Variants in PSTPIP2 observed in about 807,000 individuals in gnomAD.
PSTPIP2 encodes proline-serine-threonine phosphatase-interacting protein 2.
In PSTPIP2, 33 loss-of-function variants were observed where a neutral mutation model predicts 63.3. That is an observed-to-expected ratio of 0.52 (90% CI 0.40 to 0.70). PSTPIP2 has a LOEUF of 0.70. Among genes scored for constraint, PSTPIP2 ranks in the 30% least tolerant of loss-of-function variants. PSTPIP2 has a pLI of 0.00. For synonymous variants in PSTPIP2, 125 were observed against 132.7 expected (o/e 0.94, Z 0.40); for missense variants, 312 against 400.7 (o/e 0.78, Z 1.89).
At chr18:46,060,128 TG>T (rs1908937547) in intron 1 of PSTPIP2, among the ~76,000 whole-genome samples, 1 of 152,222 alleles carries the variant, frequency 6.6e-6, no homozygotes, top group Non-Finnish European at 1.5e-5. Context: ...TCCTGGTGTT[TG>T]TTTTAAATCG....
At position 46,021,583 on chromosome 18, in the gene PSTPIP2, A is replaced by T. The variant is rs868069186; in HGVS notation, c.212+3026T>A. 1.2e-4 allele frequency among the ~76,000 whole-genome samples: 18 copies of T among 151,910 alleles called. No homozygotes were observed. In the Middle Eastern group the frequency reaches 0.01, roughly 87 times the overall value. On this transcript the variant is annotated intron_variant, in intron 3 of 14. Transcript: ENST00000409746. ...ATTGTAAATATTAGTATGAACTCACACTTTTAAAATCCATTCCCTGCCAGG... is the reference window on the plus strand; with the variant it reads ...ATTGTAAATATTAGTATGAACTCACTCTTTTAAAATCCATTCCCTGCCAGG...
chr18:46,011,071 G>A (rs1324297051), intron 5 of PSTPIP2, 110 bp downstream of exon 5: 7 of 906,624 alleles, frequency 7.7e-6, no homozygotes, highest in Non-Finnish European at 1.2e-5. Context: ...TAATTTCTCA[G>A]GTCATGATTA....
chr18:46,010,512 A>G (rs753912455), intron 5 of PSTPIP2, among the ~76,000 whole-genome samples: 1 of 152,210 alleles, frequency 6.6e-6, no homozygotes, highest in Non-Finnish European at 1.5e-5. Flanking sequence ...TCTTTCAGGA[A>G]CAAAATAGAA....
rs750484115 is a variant in PSTPIP2, at chr18:46,011,185, T to C, written c.350A>G (p.Lys117Arg). The C allele has an allele frequency of 2.5e-6, 4 of 1,612,496 alleles. No homozygotes were observed. The highest frequency in any genetic ancestry group is 3.4e-6 in the Non-Finnish European group (4 of 1,178,538). The change falls in exon 5 of 15, where the codon AAA becomes AGA. Residue 117 changes from lysine (K) to arginine (R), a missense_variant. By Grantham distance (26) the Lys-to-Arg change is conservative. Coordinates refer to ENST00000409746, the MANE Select transcript of PSTPIP2 (RefSeq NM_024430.4). ...EFREKQKLQR[K>R]KTELIMDAIH... is the part of the protein sequence containing the mutation. Reference sequence around the variant, plus strand: ...TAACACGTATGCAAATCCAACCTTTTTTCGTTGTAGTTTTTGCTTTTCCCT... The same window carrying C: ...TAACACGTATGCAAATCCAACCTTTCTTCGTTGTAGTTTTTGCTTTTCCCT...
chr18:45,985,540 G>C (rs1433167619), intron 14 of PSTPIP2, 90 bp from the exon 15 acceptor site: 2 of 1,402,034 alleles, frequency 1.4e-6, no homozygotes, highest in South Asian at 1.2e-5. Flanking sequence ...ACAAGAATAA[G>C]GGTGCAGGCC....
chr18:46,030,270 G>A (rs931379156), intron 2 of PSTPIP2, among the ~76,000 whole-genome samples: 13 of 152,148 alleles, frequency 8.5e-5, no homozygotes, highest in South Asian at 2.1e-4. Flanking sequence ...AAACTTTCCT[G>A]AATGTGTGAT....
intron 6 of PSTPIP2, among the ~76,000 whole-genome samples, chr18:46,002,088 T>C (rs2051674315): frequency 6.6e-6 from 1 of 152,218 alleles, no homozygotes; most frequent in Non-Finnish European, 1.5e-5. Flanking sequence ...TGGTTTCTAA[T>C]AGGAAATCTG....
intron 13 of PSTPIP2, among the ~76,000 whole-genome samples, chr18:45,990,330 C>A (rs928117942): frequency 6.6e-6 from 1 of 152,168 alleles, no homozygotes; most frequent in African/African-American, 2.4e-5. Flanking sequence ...GAATTTGATT[C>A]TATTTAATCC....
chr18:46,067,228 C>T (rs950463847), intron 1 of PSTPIP2, among the ~76,000 whole-genome samples: 2 of 151,868 alleles, frequency 1.3e-5, no homozygotes, highest in African/African-American at 2.4e-5. Context: ...CTAGGCTGGG[C>T]GCAGTGGCTC....
chr18:46,026,282 G>T (rs76266331), intron 2 of PSTPIP2, among the ~76,000 whole-genome samples: 30 of 152,268 alleles, frequency 2.0e-4, no homozygotes, highest in African/African-American at 6.7e-4. Flanking sequence ...GTTGAAGAAA[G>T]GAAGAACTTC....
At chr18:46,024,496 AT>A (rs529039247) in intron 3 of PSTPIP2, 112 bp downstream of exon 3, 63 of 869,916 alleles carry the variant, frequency 7.2e-5, no homozygotes, top group African/African-American at 1.0e-4. Context: ...CTCCAAAAAA[AT>A]TTTTTTTTCA....
intron 5 of PSTPIP2, among the ~76,000 whole-genome samples, chr18:46,008,500 CG>C (rs529163655): frequency 2.0e-5 from 3 of 150,838 alleles, no homozygotes; most frequent in Non-Finnish European, 4.4e-5. Context: ...TTAGTAGAGA[CG>C]GGGTTTTGCC....
At chr18:46,061,573 T>C (rs1174038147) in intron 1 of PSTPIP2, among the ~76,000 whole-genome samples, 5 of 152,158 alleles carry the variant, frequency 3.3e-5, no homozygotes, top group Non-Finnish European at 5.9e-5. Context: ...ACCACTCTTA[T>C]GGGCAGGAAC....
chr18:46,038,281 G>C (rs1244391473), intron 2 of PSTPIP2, among the ~76,000 whole-genome samples: 6 of 152,126 alleles, frequency 3.9e-5, no homozygotes, highest in Non-Finnish European at 8.8e-5. Context: ...GTGTGTACTG[G>C]GTGGCTGTGT....
At chr18:46,047,849 C>A (rs1908439302) in intron 1 of PSTPIP2, among the ~76,000 whole-genome samples, 1 of 152,158 alleles carries the variant, frequency 6.6e-6, no homozygotes, top group Non-Finnish European at 1.5e-5. Context: ...ATTTAGTATT[C>A]ATTTGAGAAG....
intron 2 of PSTPIP2, among the ~76,000 whole-genome samples, chr18:46,038,864 TG>T (rs1338354407): frequency 1.3e-5 from 2 of 152,108 alleles, no homozygotes; most frequent in Non-Finnish European, 2.9e-5. Context: ...AGGCAGGGCG[TG>T]GTGGCTCACA....
At chr18:46,000,700 T>C (rs2051654860) in intron 6 of PSTPIP2, among the ~76,000 whole-genome samples, 1 of 152,264 alleles carries the variant, frequency 6.6e-6, no homozygotes, top group Non-Finnish European at 1.5e-5. Flanking sequence ...AATTCTGTTT[T>C]ATGTAGTTTA....
intron 1 of PSTPIP2, among the ~76,000 whole-genome samples, chr18:46,045,059 T>C (rs937042138): frequency 5.9e-5 from 9 of 152,212 alleles, no homozygotes; most frequent in African/African-American, 1.9e-4. Flanking sequence ...ACACTGTTGG[T>C]GGGACTGTAA....
chr18:45,990,425 TTTG>T (rs2051515386), intron 13 of PSTPIP2, among the ~76,000 whole-genome samples: 1 of 90,866 alleles, frequency 1.1e-5, no homozygotes, highest in Non-Finnish European at 1.9e-5. Context: ...TTGGGGTTTT[TTTG>T]TTTGTTTGTT....
Sources: gnomAD v4.1 joint callset for allele counts (sites outside exome capture counted in the v4.1 genomes callset) on GRCh38, gnomAD v4.1.1 for gene constraint, MANE v1.5 for transcripts, NCBI Gene and HGNC (gene_info 2026-07-23, HGNC 2026-07-21) for gene names.